The following LYRM4 variants were observed in gnomAD, a reference collection of about 807,000 sequenced individuals.
LYRM4 encodes the protein LYR motif-containing protein 4.
A neutral mutation model predicts 11.7 loss-of-function variants in LYRM4; 9 were observed. That is an observed-to-expected ratio of 0.77 (90% CI 0.46 to 1.34). The LOEUF is 1.34. Among genes scored for constraint, LYRM4 ranks in the 40% most tolerant of loss-of-function variants. The pLI, the probability that LYRM4 is intolerant of heterozygous loss-of-function variation, is 0.00. For missense variants in LYRM4, 133 were observed against 112.5 expected, an observed-to-expected ratio of 1.18 and a Z score of -0.82; for synonymous variants, 42 against 40.4, an observed-to-expected ratio of 1.04 and a Z score of -0.15.
At chr6:5,112,296 G>C (rs183977647) in intron 2 of LYRM4, among the ~76,000 whole-genome samples, 10 of 152,338 alleles carry the variant, frequency 6.6e-5, no homozygotes, top group Admixed American at 1.3e-4. Context: ...GGCAGGACTG[G>C]TGAACACTGC....
At chr6:5,047,932 T>C in the LYRM4 span, among the ~76,000 whole-genome samples, 1 of 152,206 alleles carries the variant, frequency 6.6e-6, no homozygotes, top group Non-Finnish European at 1.5e-5. Context: ...CCAGGTCTGC[T>C]TCCTCCACCC....
At chr6:5,157,525 A>G (rs1042430085) in intron 2 of LYRM4, among the ~76,000 whole-genome samples, 1 of 151,672 alleles carries the variant, frequency 6.6e-6, no homozygotes, top group Non-Finnish European at 1.5e-5. Flanking sequence ...AAAAAAAAAA[A>G]GAAGACTGAA....
chr6:5,184,962 T>C (rs1185514741), intron 2 of LYRM4, among the ~76,000 whole-genome samples: 1 of 152,202 alleles, frequency 6.6e-6, no homozygotes, highest in Non-Finnish European at 1.5e-5. Context: ...ACGAGGTTGC[T>C]ACCTCTTGCT....
the LYRM4 span, among the ~76,000 whole-genome samples, chr6:5,079,825 C>G: frequency 6.6e-6 from 1 of 152,222 alleles, no homozygotes; most frequent in Admixed American, 6.5e-5. Context: ...ACGAATTAAA[C>G]ACCATTTGTC....
At chr6:5,180,273 T>G (rs1759990949) in intron 2 of LYRM4, among the ~76,000 whole-genome samples, 1 of 152,170 alleles carries the variant, frequency 6.6e-6, no homozygotes. Context: ...GTGGCACAGG[T>G]GTACACCGTG....
At chr6:5,202,314 C>T (rs893880524) in intron 2 of LYRM4, among the ~76,000 whole-genome samples, 1 of 152,158 alleles carries the variant, frequency 6.6e-6, no homozygotes, top group Non-Finnish European at 1.5e-5. Flanking sequence ...GTCTACAATA[C>T]CTGTATTCCA....
rs143423513 is a variant in LYRM4 at position 5,183,905 on chromosome 6, G to C, written c.207+32713C>G. ...ATACTTGAAAACTGCTAAGAAAGTG[G>C]ACCTCGAATGTTCTCACCATAAACA... On this transcript the variant is annotated intron_variant, in intron 2 of 2. Coordinates refer to ENST00000330636, the MANE Select transcript of LYRM4 (RefSeq NM_020408.6). Among the ~76,000 whole-genome samples, 229 of 152,302 alleles carry C rather than the reference G, an allele frequency of 1.5e-3. 1 individual carries two copies. The highest frequency in any genetic ancestry group is 3.4e-3 in the Middle Eastern group (1 of 294).
chr6:5,216,850 G>A (rs778878852), intron 1 of LYRM4, 112 bp from the exon 2 acceptor site: 10 of 1,255,522 alleles, frequency 8.0e-6, no homozygotes, highest in South Asian at 1.5e-5. Context: ...CTTCCCCTAC[G>A]GATAATCCAC....
chr6:5,240,165 AC>A (rs1044809389), intron 1 of LYRM4, among the ~76,000 whole-genome samples: 1 of 152,014 alleles, frequency 6.6e-6, no homozygotes, highest in African/African-American at 2.4e-5. Context: ...AACTCTCCTT[AC>A]AGTACATCCA....
chr6:5,050,242 C>G, the LYRM4 span, among the ~76,000 whole-genome samples: 1 of 152,230 alleles, frequency 6.6e-6, no homozygotes, highest in Non-Finnish European at 1.5e-5. Context: ...TAGCTCTTAG[C>G]TCAGTAGCAG....
chr6:5,098,303 C>T, the LYRM4 span, among the ~76,000 whole-genome samples: 1 of 152,224 alleles, frequency 6.6e-6, no homozygotes, highest in Non-Finnish European at 1.5e-5. Context: ...GTAGGGCAGG[C>T]CCAGCAGGCA....
At chr6:5,231,876 C>T (rs1415077322) in intron 1 of LYRM4, among the ~76,000 whole-genome samples, 2 of 152,134 alleles carry the variant, frequency 1.3e-5, no homozygotes, top group African/African-American at 4.8e-5. Context: ...AAAATATTTC[C>T]ATGCATTACA....
At chr6:5,240,421 A>T (rs1763808779) in intron 1 of LYRM4, 1 of 152,202 alleles carries the variant, frequency 6.6e-6, no homozygotes, top group Non-Finnish European at 1.5e-5. Flanking sequence ...ATACTCAAAC[A>T]CAATACAAAA....
intron 2 of LYRM4, among the ~76,000 whole-genome samples, chr6:5,145,020 A>G (rs575377115): frequency 6.6e-5 from 10 of 152,258 alleles, no homozygotes; most frequent in African/African-American, 2.2e-4. Context: ...CTGGGAACAT[A>G]TTTGAGAGGT....
intron 2 of LYRM4, among the ~76,000 whole-genome samples, chr6:5,166,307 G>A (rs571829509): frequency 6.6e-6 from 1 of 152,338 alleles, no homozygotes; most frequent in African/African-American, 2.4e-5. Context: ...AGAAAGCACA[G>A]AAGTTACCTG....
At chr6:5,125,020 C>A (rs1458030094) in intron 2 of LYRM4, among the ~76,000 whole-genome samples, 1 of 152,178 alleles carries the variant, frequency 6.6e-6, no homozygotes, top group Admixed American at 6.5e-5. Context: ...GGGCTTCCCT[C>A]GTCTCCTAGT....
the LYRM4 span, chr6:5,086,085 C>T: frequency 1.4e-6 from 2 of 1,467,788 alleles, no homozygotes; most frequent in Non-Finnish European, 1.8e-6. Flanking sequence ...TCCGGCCGCT[C>T]TTCCAGCTCC....
intron 2 of LYRM4, among the ~76,000 whole-genome samples, chr6:5,126,521 C>T (rs940556386): frequency 4.1e-4 from 63 of 152,258 alleles, no homozygotes; most frequent in African/African-American, 1.4e-3. Context: ...GCCTCAGAAA[C>T]GTGCACAAAG....
intron 2 of LYRM4, among the ~76,000 whole-genome samples, chr6:5,135,421 A>G (rs112875994): frequency 0.03 from 619 of 20,432 alleles, 63 homozygotes; most frequent in Middle Eastern, 0.13. Flanking sequence ...GGTGCGGTTC[A>G]CTCCCGGGGC....
Sources: allele counts gnomAD v4.1 joint callset (sites outside exome capture counted in the v4.1 genomes callset), GRCh38; gene constraint gnomAD v4.1.1; transcripts MANE v1.5; gene names NCBI Gene and HGNC (gene_info 2026-07-23, HGNC 2026-07-21).